The following GNRHR variants were observed in gnomAD, a reference collection of about 807,000 sequenced individuals.
The protein encoded by GNRHR is gonadotropin-releasing hormone receptor.
GNRHR carries 14 observed loss-of-function variants against 28.1 expected under a neutral mutation model. That is an observed-to-expected ratio of 0.50 (90% CI 0.33 to 0.78). The LOEUF (loss-of-function observed/expected upper bound fraction) is 0.78. Among genes scored for constraint, GNRHR ranks in the 30% least tolerant of loss-of-function variants. GNRHR has a pLI of 0.02. For missense variants in GNRHR, 366 were observed against 382.1 expected (o/e 0.96, Z 0.35); for synonymous variants, 141 against 140.5 (o/e 1.00, Z -0.02).
intron 1 of GNRHR, among the ~76,000 whole-genome samples, chr4:67,750,664 C>T (rs1731849287): frequency 6.6e-6 from 1 of 151,770 alleles, no homozygotes; most frequent in Admixed American, 6.6e-5. Context: ...TCATAAATTC[C>T]CAGATCCCCA....
At chr4:67,753,598 C>T in intron 1 of GNRHR, 1 of 586,844 alleles carries the variant, frequency 1.7e-6, no homozygotes, top group Non-Finnish European at 3.0e-6. Context: ...CATTAACCCC[C>T]ATGTTACATT....
chr4:67,742,515 T>C (rs749980139), intron 2 of GNRHR, among the ~76,000 whole-genome samples: 1 of 152,208 alleles, frequency 6.6e-6, no homozygotes. Context: ...GCCATTAAAG[T>C]TCATAGGTTA....
At chr4:67,747,744 T>C (rs1731781459) in intron 1 of GNRHR, among the ~76,000 whole-genome samples, 1 of 152,148 alleles carries the variant, frequency 6.6e-6, no homozygotes, top group African/African-American at 2.4e-5. Context: ...TTTGGTAAAA[T>C]AAACTATAGC....
At chr4:67,751,233 T>A (rs1731860773) in intron 1 of GNRHR, among the ~76,000 whole-genome samples, 1 of 152,210 alleles carries the variant, frequency 6.6e-6, no homozygotes, top group African/African-American at 2.4e-5. Context: ...TTCAGTGTAG[T>A]GTGTATTTCT....
intron 2 of GNRHR, among the ~76,000 whole-genome samples, chr4:67,743,729 A>G (rs1731704637): frequency 6.6e-6 from 1 of 152,126 alleles, no homozygotes; most frequent in Admixed American, 6.5e-5. Flanking sequence ...ATAAAATGGA[A>G]TCTCTCGAGA....
At position 67,752,879 on chromosome 4, in the gene GNRHR, T is replaced by G. The variant is rs533788170; in HGVS notation, c.522+935A>C. On this transcript the variant is annotated intron_variant, in intron 1 of 2. Coordinates refer to ENST00000226413, the MANE Select transcript of GNRHR (RefSeq NM_000406.3). ...ATAAATTTCCATTTTCAGAGGCAAG[T>G]TTTGGAGGATCCTAGTTAATTCTGA... is the stretch of plus-strand genomic sequence containing the variant. Among the ~76,000 whole-genome samples the G allele has an allele frequency of 5.3e-5, 8 of 152,248 alleles. No homozygotes were observed. In the South Asian group the frequency reaches 1.7e-3, roughly 32 times the overall value.
intron 2 of GNRHR, among the ~76,000 whole-genome samples, chr4:67,742,762 A>G (rs1001661358): frequency 1.3e-5 from 2 of 152,166 alleles, no homozygotes; most frequent in Non-Finnish European, 2.9e-5. Flanking sequence ...TCATTCTGAA[A>G]TTTCTTATTA....
chr4:67,741,494 G>A (rs917011613), intron 2 of GNRHR, among the ~76,000 whole-genome samples: 3 of 152,120 alleles, frequency 2.0e-5, no homozygotes, highest in African/African-American at 7.2e-5. Flanking sequence ...ATTGCAAACT[G>A]TGCTGCTATG....
Position 67,741,716 on chromosome 4 carries a change from T to A in GNRHR, c.743-992A>T, listed in dbSNP as rs535942203. On this transcript the variant is annotated intron_variant, in intron 2 of 2. Transcript: ENST00000226413. ...ACTGCATCCCTGCCAACATCTATTA[T>A]TTTTTGATTTTTTGATTATGGCCAT... Among the ~76,000 whole-genome samples, 78 of 152,298 alleles carry A rather than the reference T, an allele frequency of 5.1e-4. 1 individual carries two copies. Among genetic ancestry groups the A allele is most frequent in the African/African-American group, 1.8e-3 (73 of 41,564 alleles).
chr4:67,752,172 T>G (rs1333550250), intron 1 of GNRHR, among the ~76,000 whole-genome samples: 1 of 152,122 alleles, frequency 6.6e-6, no homozygotes, highest in Non-Finnish European at 1.5e-5. Flanking sequence ...CCACTCCATT[T>G]GGGCCATTTG....
intron 1 of GNRHR, among the ~76,000 whole-genome samples, chr4:67,749,285 T>G (rs1731823512): frequency 6.6e-6 from 1 of 152,140 alleles, no homozygotes; most frequent in South Asian, 2.1e-4. Flanking sequence ...CACTAAGGAC[T>G]AAGGAGTGGC....
intron 2 of GNRHR, among the ~76,000 whole-genome samples, chr4:67,744,125 TACAC>T (rs954380748): frequency 2.6e-5 from 4 of 152,250 alleles, no homozygotes; most frequent in African/African-American, 7.2e-5. Flanking sequence ...CATATTAACA[TACAC>T]ACAAATGTGC....
At chr4:67,752,055 T>C (rs975096043) in intron 1 of GNRHR, among the ~76,000 whole-genome samples, 1 of 152,218 alleles carries the variant, frequency 6.6e-6, no homozygotes, top group Non-Finnish European at 1.5e-5. Flanking sequence ...TGTCAGGTTT[T>C]GTATTTTATT....
chr4:67,754,188 CAG>C lies in GNRHR; in HGVS notation c.146_147del (p.Ser49CysfsTer4). 1 of 1,614,134 alleles carries C rather than the reference CAG, an allele frequency of 6.2e-7. No homozygotes were observed. The highest frequency in any genetic ancestry group is 8.5e-7 in the Non-Finnish European group (1 of 1,179,996). ...VTVTFFLFLL[S>X]ATFNASFLLK... ...AACAAGAAAGAAGCATTAAAGGTCG[CAG>C]AGAGCAGAAAAAGGAAGAAAGTAAC... On this transcript the variant is annotated frameshift_variant, in exon 1 of 3. Transcript: ENST00000226413. LOFTEE classifies it high-confidence loss of function.
At chr4:67,746,901 T>G (rs1017881969) in intron 1 of GNRHR, among the ~76,000 whole-genome samples, 17 of 152,080 alleles carry the variant, frequency 1.1e-4, no homozygotes, top group African/African-American at 3.9e-4. Flanking sequence ...AGAGGGCGTC[T>G]AATAATTTTA....
Position 67,739,291 on chromosome 4 carries a change from G to T in GNRHR, c.*1189C>A, listed in dbSNP as rs1043686669. ...TTAATGTGAATATCAGTAGGTGTTA[G>T]TTGTGCCATGGGCTGCTGTGGCAGT... On this transcript the variant is annotated 3_prime_UTR_variant, in exon 3 of 3. Transcript: ENST00000226413. 6.6e-6 allele frequency: 1 copy of T among 151,956 alleles called. No individual in the cohort carries two copies. The highest frequency in any genetic ancestry group is 1.5e-5 in the Non-Finnish European group (1 of 67,882). 9.4% of individuals were successfully genotyped at this position (151,956 alleles called of 1,614,324 possible). A position where few individuals can be genotyped will look rare whatever the true frequency, so the allele number is the denominator to read the frequency against.
chr4:67,742,791 G>T (rs561054940), intron 2 of GNRHR, among the ~76,000 whole-genome samples: 2 of 152,090 alleles, frequency 1.3e-5, no homozygotes, highest in South Asian at 4.2e-4. Flanking sequence ...CCAAAGGGTG[G>T]ACATATAGAG....
chr4:67,750,169 AC>A (rs1228914471), intron 1 of GNRHR, among the ~76,000 whole-genome samples: 2 of 152,168 alleles, frequency 1.3e-5, no homozygotes, highest in African/African-American at 4.8e-5. Context: ...AGGCAGTATT[AC>A]TGAGATTTGA....
In GNRHR at chr4:67,738,571, A is replaced by G. The variant is rs1731595451; in HGVS notation, c.*1909T>C. 6.6e-6 allele frequency among the ~76,000 whole-genome samples: 1 copy of G among 151,988 alleles called. No individual in the cohort carries two copies. The highest frequency in any genetic ancestry group is 1.5e-5 in the Non-Finnish European group (1 of 67,882). Reference sequence around the variant, plus strand: ...GATAAAGCCCTTAGATTGTATCTGTACAAGTGTGTTATTTTTGATTTTAAA... The same window carrying G: ...GATAAAGCCCTTAGATTGTATCTGTGCAAGTGTGTTATTTTTGATTTTAAA... On this transcript the variant is annotated 3_prime_UTR_variant, in exon 3 of 3. Coordinates refer to ENST00000226413, the MANE Select transcript of GNRHR (RefSeq NM_000406.3).
Sources: gnomAD v4.1 joint callset for allele counts (sites outside exome capture counted in the v4.1 genomes callset) on GRCh38, gnomAD v4.1.1 for gene constraint, MANE v1.5 for transcripts, NCBI Gene and HGNC (gene_info 2026-07-23, HGNC 2026-07-21) for gene names.